The following SLC1A1 variants were observed in gnomAD, a reference collection of about 807,000 sequenced individuals.
SLC1A1 encodes the protein excitatory amino acid transporter 3.
A neutral mutation model predicts 53.3 loss-of-function variants in SLC1A1; 43 were observed. The observed-to-expected ratio is 0.81, with a 90% CI of 0.63 to 1.04. The LOEUF is 1.04. SLC1A1 is among the 50% of genes least tolerant of loss of function. The pLI is 0.00. For missense variants in SLC1A1, 748 were observed against 664.9 expected (o/e 1.12, Z -1.37); for synonymous variants, 307 against 243.2 (o/e 1.26, Z -2.44).
intron 11 of SLC1A1, 98 bp from the exon 12 acceptor site, chr9:4,585,214 T>A (rs2129897530): frequency 1.3e-6 from 2 of 1,530,284 alleles, no homozygotes; most frequent in Admixed American, 3.3e-5. Context: ...CTGCACTTAC[T>A]GAAATCTAAA....
intron 1 of SLC1A1, among the ~76,000 whole-genome samples, chr9:4,501,309 ACTCTCTG>A (rs1343735869): frequency 3.3e-5 from 5 of 150,372 alleles, no homozygotes; most frequent in Non-Finnish European, 7.4e-5. Flanking sequence ...TCATCATGTG[ACTCTCTG>A]CTTGGTCTGC....
intron 10 of SLC1A1, among the ~76,000 whole-genome samples, chr9:4,579,334 TC>T (rs897495173): frequency 6.6e-6 from 1 of 152,244 alleles, no homozygotes; most frequent in Non-Finnish European, 1.5e-5. Flanking sequence ...AAGGGTTTTT[TC>T]CCACTTCCCT....
intron 1 of SLC1A1, among the ~76,000 whole-genome samples, chr9:4,496,525 T>G (rs933471236): frequency 5.3e-5 from 8 of 151,950 alleles, no homozygotes; most frequent in Non-Finnish European, 8.8e-5. Flanking sequence ...CAGCCTTGTT[T>G]TGTTTTGTTT....
chr9:4,514,221 A>G (rs958762933), intron 1 of SLC1A1, among the ~76,000 whole-genome samples: 3 of 152,202 alleles, frequency 2.0e-5, no homozygotes, highest in African/African-American at 4.8e-5. Flanking sequence ...CATGCCCTTA[A>G]GAGTCAGTTG....
intron 1 of SLC1A1, among the ~76,000 whole-genome samples, chr9:4,521,181 T>C (rs1394206802): frequency 1.3e-5 from 2 of 152,226 alleles, no homozygotes; most frequent in East Asian, 3.8e-4. Flanking sequence ...ACCAGATACA[T>C]AATTTGCACA....
At chr9:4,497,474 C>T (rs2130794118) in intron 1 of SLC1A1, among the ~76,000 whole-genome samples, 1 of 152,316 alleles carries the variant, frequency 6.6e-6, no homozygotes, top group Middle Eastern at 3.4e-3. Flanking sequence ...TCACATTGCA[C>T]AGTAGGGTGA....
rs147379522 is a variant in SLC1A1 at position 4,561,358 on chromosome 9, G to C, written c.233-91G>C. On this transcript the variant is annotated intron_variant, in intron 2 of 11. Transcript: ENST00000262352. ...TGTCTGTAGATGAGAACGCCTCTCA[G>C]CTCTTTATTTCACAACCTGAGGATT... is the stretch of plus-strand genomic sequence containing the variant. The C allele has an allele frequency of 2.0e-4, 165 of 827,240 alleles. 1 individual carries two copies. In the East Asian group the frequency reaches 3.9e-3, roughly 19 times the overall value. The allele number at this position is 827,240 out of a possible 1,614,324, so 51.2% of individuals were successfully genotyped here.
intron 2 of SLC1A1, 152 bp downstream of exon 2, chr9:4,544,859 C>G: frequency 2.8e-6 from 2 of 717,942 alleles, no homozygotes; most frequent in Non-Finnish European, 4.7e-6. Context: ...ACAATCATGG[C>G]GGAAGGCAAA....
intron 1 of SLC1A1, among the ~76,000 whole-genome samples, chr9:4,525,378 G>A (rs1816221325): frequency 6.6e-6 from 1 of 152,072 alleles, no homozygotes; most frequent in African/African-American, 2.4e-5. Flanking sequence ...TATGAAAACT[G>A]TCCTGGAGGA....
In SLC1A1 at chr9:4,566,093, A is replaced by C. The variant is rs371266520; in HGVS notation, c.483+4A>C. 292 of 1,610,802 alleles carry C rather than the reference A, an allele frequency of 1.8e-4. No individual in the cohort carries two copies. The highest frequency in any genetic ancestry group is 2.4e-4 in the Non-Finnish European group (278 of 1,177,190). On this transcript the variant is annotated splice_donor_region_variant and intron_variant, in intron 5 of 11. Transcript: ENST00000262352. Reference sequence around the variant, plus strand: ...TGTCCAGGCCTGTTTTCAGCAGGTAATATTAATTACTTGTGCCCTTAACTT... The same window carrying C: ...TGTCCAGGCCTGTTTTCAGCAGGTACTATTAATTACTTGTGCCCTTAACTT...
intron 5 of SLC1A1, among the ~76,000 whole-genome samples, chr9:4,566,747 T>A (rs1819526011): frequency 6.6e-6 from 1 of 152,176 alleles, no homozygotes; most frequent in South Asian, 2.1e-4. Context: ...AGCTCTACAA[T>A]GCAGTGTAAC....
intron 8 of SLC1A1, among the ~76,000 whole-genome samples, 190 bp downstream of exon 8, chr9:4,574,204 C>T (rs1820336295): frequency 6.6e-6 from 1 of 152,146 alleles, no homozygotes; most frequent in Non-Finnish European, 1.5e-5. Flanking sequence ...TCATGCTGTG[C>T]TAATTGTCAG....
intron 3 of SLC1A1, among the ~76,000 whole-genome samples, chr9:4,563,194 A>G (rs891444465): frequency 2.6e-5 from 4 of 152,066 alleles, no homozygotes; most frequent in Admixed American, 2.0e-4. Context: ...GAAGGAGCAT[A>G]TACTCAGATG....
chr9:4,505,457 T>A (rs757559109), intron 1 of SLC1A1, among the ~76,000 whole-genome samples: 1 of 152,200 alleles, frequency 6.6e-6, no homozygotes, highest in Non-Finnish European at 1.5e-5. Context: ...TATAATGTTT[T>A]ATGAAGGTTT....
intron 1 of SLC1A1, among the ~76,000 whole-genome samples, chr9:4,507,225 ACT>A (rs1820837616): frequency 1.3e-5 from 2 of 151,592 alleles, no homozygotes; most frequent in Non-Finnish European, 1.5e-5. Context: ...ACACAGCAAG[ACT>A]CTGTCTCAAA....
chr9:4,493,561 T>G (rs1057362031), intron 1 of SLC1A1, among the ~76,000 whole-genome samples: 1 of 152,194 alleles, frequency 6.6e-6, no homozygotes, highest in Admixed American at 6.5e-5. Context: ...CTGTGAAATT[T>G]ATTAACTATC....
chr9:4,567,437 T>G (rs1231585667), intron 5 of SLC1A1, among the ~76,000 whole-genome samples: 1 of 152,228 alleles, frequency 6.6e-6, no homozygotes, highest in Non-Finnish European at 1.5e-5. Context: ...AGGAACATTT[T>G]GACATAATTG....
Position 4,572,840 on chromosome 9 carries a change from C to A in SLC1A1, c.767+452C>A, listed in dbSNP as rs138282239. Among the ~76,000 whole-genome samples, 439 of 152,300 alleles carry A rather than the reference C, an allele frequency of 2.9e-3. 1 individual carries two copies. The highest frequency in any genetic ancestry group is 9.9e-3 in the African/African-American group (412 of 41,566). On this transcript the variant is annotated intron_variant, in intron 7 of 11. Coordinates refer to ENST00000262352, the MANE Select transcript of SLC1A1 (RefSeq NM_004170.6). ...CTGGAATTACAGGCATTAGCCACCA[C>A]ACCCAGCCACCACTAGAGTATTAAA...
At chr9:4,561,115 T>C (rs538429674) in intron 2 of SLC1A1, among the ~76,000 whole-genome samples, 2 of 152,288 alleles carry the variant, frequency 1.3e-5, no homozygotes, top group African/African-American at 4.8e-5. Flanking sequence ...AATGATATAA[T>C]ACAAATCTTG....
Sources: allele counts gnomAD v4.1 joint callset (sites outside exome capture counted in the v4.1 genomes callset), GRCh38; gene constraint gnomAD v4.1.1; transcripts MANE v1.5; gene names NCBI Gene and HGNC (gene_info 2026-07-23, HGNC 2026-07-21).